The following LTA4H variants were observed in gnomAD, a reference collection of about 807,000 sequenced individuals.
The protein encoded by LTA4H is leukotriene A4 hydrolase.
LTA4H carries 59 observed loss-of-function variants against 89.8 expected under a neutral mutation model. The ratio of observed to expected loss-of-function variants is 0.66; its 90% CI spans 0.53 to 0.82. The LOEUF is 0.82. Among genes scored for constraint, LTA4H ranks in the 40% least tolerant of loss-of-function variants. The pLI, the probability that LTA4H is intolerant of heterozygous loss-of-function variation, is 0.00. For missense variants in LTA4H, 617 were observed against 727.0 expected, an observed-to-expected ratio of 0.85 and a Z score of 1.74; for synonymous variants, 227 against 253.1, an observed-to-expected ratio of 0.90 and a Z score of 0.98.
Position 96,006,330 on chromosome 12 carries a change from G to A in LTA4H, c.1514C>T (p.Ala505Val), listed in dbSNP as rs768432568. ...LSSHQLNEFL[A>V]QTLQRAPLPL... ...AGTACTTACCCTCTGGAGCGTCTGTGCTAAAAACTCATTCAATTGATGAGA... is the reference window on the plus strand; with the variant it reads ...AGTACTTACCCTCTGGAGCGTCTGTACTAAAAACTCATTCAATTGATGAGA... The change falls in exon 16 of 19, where the codon GCA becomes GTA. Residue 505 changes from alanine to valine, a missense_variant. Coordinates refer to ENST00000228740, the MANE Select transcript of LTA4H (RefSeq NM_000895.3). The A allele has an allele frequency of 1.9e-6, 3 of 1,608,334 alleles. No individual in the cohort carries two copies. The South Asian group carries it at 3.3e-5, about 18-fold the overall frequency.
At chr12:96,018,627 G>C in intron 8 of LTA4H, 136 bp downstream of exon 8, 2 of 479,798 alleles carry the variant, frequency 4.2e-6, no homozygotes, top group Non-Finnish European at 3.4e-6. Context: ...ACGAACAAGA[G>C]AAAAGATTTT....
intron 1 of LTA4H, among the ~76,000 whole-genome samples, chr12:96,034,754 G>C (rs1950617377): frequency 6.6e-6 from 1 of 152,264 alleles, no homozygotes; most frequent in Non-Finnish European, 1.5e-5. Context: ...GAGATCCAGG[G>C]AACTAGGAGG....
At chr12:96,027,419 G>C in intron 3 of LTA4H, 25 bp downstream of exon 3, 1 of 1,549,870 alleles carries the variant, frequency 6.5e-7, no homozygotes, top group Non-Finnish European at 8.7e-7. Flanking sequence ...TTCTGCATCA[G>C]AAATCATTCT....
At chr12:96,013,389 T>C (rs115630079) in intron 13 of LTA4H, 131 bp from the exon 14 acceptor site, 105 of 595,980 alleles carry the variant, frequency 1.8e-4, no homozygotes, top group Non-Finnish European at 2.8e-4. Context: ...AAATCTTTTT[T>C]AAAAATTAAT....
chr12:96,028,965 T>C, intron 2 of LTA4H, 90 bp downstream of exon 2: 2 of 1,154,778 alleles, frequency 1.7e-6, no homozygotes, highest in Non-Finnish European at 2.3e-6. Flanking sequence ...ATTTACAAAC[T>C]AAAATTTAAA....
chr12:96,040,638 C>T (rs1950680470), intron 1 of LTA4H, among the ~76,000 whole-genome samples: 1 of 152,132 alleles, frequency 6.6e-6, no homozygotes, highest in African/African-American at 2.4e-5. Context: ...ATGTTGGAGC[C>T]ATGTGCTGAG....
At chr12:96,014,757 G>A (rs1950351239) in intron 12 of LTA4H, 98 bp downstream of exon 12, 1 of 1,125,846 alleles carries the variant, frequency 8.9e-7, no homozygotes, top group Non-Finnish European at 1.3e-6. Context: ...GAATGAATTG[G>A]AAGTATTAAA....
chr12:96,018,197 C>T (rs912350474), intron 8 of LTA4H, among the ~76,000 whole-genome samples: 6 of 152,062 alleles, frequency 3.9e-5, no homozygotes, highest in Admixed American at 3.9e-4. Flanking sequence ...TGCCCAACTC[C>T]CCAAATACCG....
upstream of LTA4H, among the ~76,000 whole-genome samples, chr12:96,036,638 C>T (rs895980668): frequency 2.0e-5 from 3 of 152,224 alleles, no homozygotes; most frequent in Non-Finnish European, 2.9e-5. Context: ...AGAAGGAATA[C>T]TTATATAAGT....
chr12:96,030,561 T>A (rs796593596), intron 1 of LTA4H, among the ~76,000 whole-genome samples: 20 of 152,328 alleles, frequency 1.3e-4, no homozygotes, highest in African/African-American at 4.1e-4. Flanking sequence ...TACCTAAGGT[T>A]TGATCCCATT....
chr12:96,024,657 T>C, intron 3 of LTA4H, 110 bp from the exon 4 acceptor site: 3 of 610,804 alleles, frequency 4.9e-6, no homozygotes, highest in Non-Finnish European at 8.5e-6. Flanking sequence ...AAAACAGTCC[T>C]CATTTCTTGG....
chr12:96,008,613 C>T (rs1950245822), intron 15 of LTA4H, among the ~76,000 whole-genome samples: 1 of 151,924 alleles, frequency 6.6e-6, no homozygotes, highest in Non-Finnish European at 1.5e-5. Flanking sequence ...CAATTTTTCC[C>T]CCCATAAAAC....
At chr12:96,003,816 G>A (rs758938996) in intron 17 of LTA4H, 22 bp downstream of exon 17, 1 of 1,559,278 alleles carries the variant, frequency 6.4e-7, no homozygotes, top group South Asian at 1.1e-5. Context: ...TTCTTCCACA[G>A]AGACAAGTTA....
chr12:96,027,044 C>T (rs1950520573), intron 3 of LTA4H, among the ~76,000 whole-genome samples: 2 of 152,126 alleles, frequency 1.3e-5, no homozygotes, highest in African/African-American at 4.8e-5. Context: ...GCAATGGTGT[C>T]TGGAAAAGGT....
intron 13 of LTA4H, 123 bp from the exon 14 acceptor site, chr12:96,013,381 ATCT>A (rs1264097953): frequency 3.3e-6 from 2 of 605,984 alleles, no homozygotes; most frequent in Non-Finnish European, 5.9e-6. Context: ...TAATTTCTAA[ATCT>A]TTTTTAAAAA....
chr12:96,020,949 G>T, intron 6 of LTA4H, 136 bp downstream of exon 6: 1 of 676,758 alleles, frequency 1.5e-6, no homozygotes, highest in Non-Finnish European at 2.5e-6. Flanking sequence ...CTACATTTTA[G>T]ATTTGAATTT....
intron 14 of LTA4H, 86 bp from the exon 15 acceptor site, chr12:96,009,234 CA>C: frequency 1.2e-6 from 1 of 856,906 alleles, no homozygotes; most frequent in Non-Finnish European, 1.9e-6. Context: ...ACTTAAATTT[CA>C]AAGTCCCTTT....
At chr12:96,014,062 G>T in intron 12 of LTA4H, 1 of 410,712 alleles carries the variant, frequency 2.4e-6, no homozygotes, top group Admixed American at 4.5e-5. Context: ...TTCAGTGGAA[G>T]GGAGAAGAGA....
intron 3 of LTA4H, 92 bp downstream of exon 3, chr12:96,027,352 A>T: frequency 8.9e-7 from 1 of 1,122,916 alleles, no homozygotes; most frequent in Non-Finnish European, 1.2e-6. Flanking sequence ...GGTAAAACCT[A>T]CATAATCCAT....
Sources: allele counts gnomAD v4.1 joint callset (sites outside exome capture counted in the v4.1 genomes callset), GRCh38; gene constraint gnomAD v4.1.1; transcripts MANE v1.5; gene names NCBI Gene and HGNC (gene_info 2026-07-23, HGNC 2026-07-21).